The following DIPK1A variants were observed in gnomAD, a reference collection of about 807,000 sequenced individuals.
The protein encoded by DIPK1A is divergent protein kinase domain 1A, also known as family with sequence similarity 69 member A.
Under a neutral mutation model 40.8 loss-of-function variants are expected in DIPK1A, and 27 were observed. The observed-to-expected ratio is 0.66, with a 90% CI of 0.49 to 0.91. The LOEUF is 0.91. Ranked by LOEUF, DIPK1A falls within the 40% of genes least tolerant of loss-of-function variation. The pLI, the probability that DIPK1A is intolerant of heterozygous loss-of-function variation, is 0.00. For synonymous variants in DIPK1A, 166 were observed against 171.3 expected, an observed-to-expected ratio of 0.97 and a Z score of 0.24; for missense variants, 412 against 505.7, an observed-to-expected ratio of 0.81 and a Z score of 1.78.
intron 1 of DIPK1A, among the ~76,000 whole-genome samples, chr1:92,939,218 A>G (rs1651060246): frequency 6.6e-6 from 1 of 152,082 alleles, no homozygotes; most frequent in African/African-American, 2.4e-5. Flanking sequence ...TTTTCTTTAA[A>G]TTCAAAATTA....
intron 1 of DIPK1A, among the ~76,000 whole-genome samples, chr1:92,891,928 A>G (rs543560422): frequency 6.6e-6 from 1 of 151,392 alleles, no homozygotes; most frequent in Admixed American, 6.6e-5. Flanking sequence ...GCAGTCTGAG[A>G]TCAAACTGCA....
At chr1:92,922,554 C>T (rs1287064153) in intron 1 of DIPK1A, among the ~76,000 whole-genome samples, 5 of 152,134 alleles carry the variant, frequency 3.3e-5, no homozygotes, top group Non-Finnish European at 5.9e-5. Context: ...GGACACGGTT[C>T]AATCAATGCG....
At chr1:92,913,333 C>T (rs1203189327) in intron 1 of DIPK1A, among the ~76,000 whole-genome samples, 1 of 151,896 alleles carries the variant, frequency 6.6e-6, no homozygotes, top group African/African-American at 2.4e-5. Context: ...TGTATGTTTG[C>T]TCTAGTACTT....
Position 92,901,740 on chromosome 1 carries a change from T to C in DIPK1A, c.55-25310A>G, listed in dbSNP as rs1300364304. On this transcript the variant is annotated intron_variant, in intron 1 of 4. Transcript: ENST00000370310. ...TGCAGTGGCAGCAAATATCCCAGAA[T>C]AATGGAACACAGCTGTTGTTTGGGC... Among the ~76,000 whole-genome samples the C allele has an allele frequency of 6.6e-5, 10 of 152,032 alleles. No individual in the cohort carries two copies. In the South Asian group the frequency reaches 2.1e-3, roughly 32 times the overall value.
chr1:92,958,234 T>A (rs1358150190), intron 1 of DIPK1A, among the ~76,000 whole-genome samples: 2 of 152,160 alleles, frequency 1.3e-5, no homozygotes, highest in African/African-American at 4.8e-5. Flanking sequence ...AATGCCACAG[T>A]TTTCCAAAAG....
At chr1:92,885,395 G>C (rs1275175649) in intron 1 of DIPK1A, among the ~76,000 whole-genome samples, 1 of 151,724 alleles carries the variant, frequency 6.6e-6, no homozygotes, top group Non-Finnish European at 1.5e-5. Flanking sequence ...TTTGGAAGGA[G>C]TCTCACTCTG....
At chr1:92,918,697 T>G (rs891376847) in intron 1 of DIPK1A, among the ~76,000 whole-genome samples, 1 of 152,168 alleles carries the variant, frequency 6.6e-6, no homozygotes, top group Non-Finnish European at 1.5e-5. Context: ...TGGTAAGTGC[T>G]GTATCTAAAC....
chr1:92,901,753 CTGT>C (rs954120041), intron 1 of DIPK1A, among the ~76,000 whole-genome samples: 1 of 152,104 alleles, frequency 6.6e-6, no homozygotes, highest in Non-Finnish European at 1.5e-5. Context: ...TGGAACACAG[CTGT>C]TGTTTGGGCC....
intron 1 of DIPK1A, among the ~76,000 whole-genome samples, chr1:92,888,095 A>T: frequency 6.6e-6 from 1 of 152,108 alleles, no homozygotes; most frequent in East Asian, 1.9e-4. Context: ...TGTTAATTAT[A>T]GTCACCCTAT....
downstream of DIPK1A, among the ~76,000 whole-genome samples, chr1:92,840,008 AT>A (rs111307161): frequency 8.9e-3 from 1,235 of 138,146 alleles, no homozygotes; most frequent in African/African-American, 8.1e-3. Flanking sequence ...TGCCCTGCTA[AT>A]TTTTTTTTTT....
In DIPK1A at chr1:92,949,578, T is replaced by A. The variant is rs182797653; in HGVS notation, c.54+11798A>T. ...AAGCATGAGCCACTGTGCCCAGCAA[T>A]AATTTCTTTCAGTACTCAAATTAAG... is the stretch of plus-strand genomic sequence containing the variant. On this transcript the variant is annotated intron_variant, in intron 1 of 4. Transcript: ENST00000370310. Among the ~76,000 whole-genome samples, 78 of 152,270 alleles carry A rather than the reference T, an allele frequency of 5.1e-4. 2 individuals carry two copies. The East Asian group carries it at 0.014, about 28-fold the overall frequency.
chr1:92,930,886 C>T (rs945527201), intron 1 of DIPK1A: 1 of 152,130 alleles, frequency 6.6e-6, no homozygotes, highest in Non-Finnish European at 1.5e-5. Context: ...CTAAGATGGT[C>T]CCTTCCTGGG....
chr1:92,910,516 A>G (rs1377158552), intron 1 of DIPK1A, among the ~76,000 whole-genome samples: 1 of 152,172 alleles, frequency 6.6e-6, no homozygotes, highest in Non-Finnish European at 1.5e-5. Flanking sequence ...ATGAGATTGT[A>G]GCAAACATCT....
At chr1:92,941,656 C>G (rs1471973517) in intron 1 of DIPK1A, among the ~76,000 whole-genome samples, 2 of 152,046 alleles carry the variant, frequency 1.3e-5, no homozygotes, top group Non-Finnish European at 2.9e-5. Flanking sequence ...CCTTTCCTTT[C>G]TAAAAGTGAG....
At position 92,908,392 on chromosome 1, in the gene DIPK1A, T is replaced by A. The variant is rs530971467; in HGVS notation, c.55-31962A>T. Reference sequence around the variant, plus strand: ...AGAGAGCATGGAAGATCAGATAGGGTAGAAGAAAACGAGAATGTTGTAACA... The same window carrying A: ...AGAGAGCATGGAAGATCAGATAGGGAAGAAGAAAACGAGAATGTTGTAACA... On this transcript the variant is annotated intron_variant, in intron 1 of 4. Transcript: ENST00000370310. 4.5e-4 allele frequency among the ~76,000 whole-genome samples: 68 copies of A among 152,146 alleles called. 1 individual carries two copies. Among genetic ancestry groups the A allele is most frequent in the Non-Finnish European group, 8.8e-4 (60 of 67,990 alleles).
intron 2 of DIPK1A, among the ~76,000 whole-genome samples, chr1:92,864,857 T>C (rs960181194): frequency 1.4e-4 from 22 of 151,886 alleles, no homozygotes; most frequent in African/African-American, 5.3e-4. Context: ...CTGGCCAACA[T>C]GGCAAAATCC....
At chr1:92,856,294 G>T (rs1687984250) in intron 2 of DIPK1A, among the ~76,000 whole-genome samples, 1 of 151,338 alleles carries the variant, frequency 6.6e-6, no homozygotes, top group Non-Finnish European at 1.5e-5. Context: ...AGTCATACAG[G>T]AACAAACAAA....
intron 1 of DIPK1A, among the ~76,000 whole-genome samples, chr1:92,956,526 T>C (rs1292733241): frequency 1.3e-5 from 2 of 152,294 alleles, no homozygotes; most frequent in East Asian, 1.9e-4. Flanking sequence ...AGAACAACCA[T>C]AGGCTCTAAT....
intron 1 of DIPK1A, among the ~76,000 whole-genome samples, chr1:92,941,704 C>A (rs1286484277): frequency 6.6e-6 from 1 of 152,136 alleles, no homozygotes; most frequent in Non-Finnish European, 1.5e-5. Context: ...GAAAGCAGAG[C>A]ACACACCTCC....
Sources: allele counts gnomAD v4.1 joint callset (sites outside exome capture counted in the v4.1 genomes callset), GRCh38; gene constraint gnomAD v4.1.1; transcripts MANE v1.5; gene names NCBI Gene and HGNC (gene_info 2026-07-23, HGNC 2026-07-21).